Variants in STK10 observed in about 807,000 individuals in gnomAD.
STK10 encodes serine/threonine-protein kinase 10.
Under a neutral mutation model 113.8 loss-of-function variants are expected in STK10, and 78 were observed. The observed-to-expected ratio is 0.69, with a 90% CI of 0.57 to 0.83. The LOEUF (loss-of-function observed/expected upper bound fraction) is 0.83. Ranked by LOEUF, STK10 falls within the 40% of genes least tolerant of loss-of-function variation. STK10 has a pLI of 0.00. For missense variants in STK10, 1,109 were observed against 1,280.1 expected (o/e 0.87, Z 2.04); for synonymous variants, 465 against 494.7 (o/e 0.94, Z 0.80).
intron 2 of STK10, among the ~76,000 whole-genome samples, chr5:172,143,316 G>C (rs1193928247): frequency 6.6e-6 from 1 of 152,190 alleles, no homozygotes; most frequent in Non-Finnish European, 1.5e-5. Context: ...AGTGAGCCGA[G>C]ATCGTGCCAC....
intron 2 of STK10, among the ~76,000 whole-genome samples, chr5:172,140,153 C>T (rs1014280874): frequency 2.0e-5 from 3 of 152,096 alleles, no homozygotes; most frequent in Admixed American, 2.0e-4. Context: ...TCTTCAAAGA[C>T]GACATACAAA....
At chr5:172,141,780 G>A (rs187940623) in intron 2 of STK10, among the ~76,000 whole-genome samples, 8 of 152,206 alleles carry the variant, frequency 5.3e-5, no homozygotes, top group African/African-American at 1.9e-4. Context: ...GTCTGATGGG[G>A]GATGTCACAG....
At chr5:172,079,573 A>T (rs867986500) in intron 12 of STK10, among the ~76,000 whole-genome samples, 11 of 107,746 alleles carry the variant, frequency 1.0e-4, no homozygotes, top group African/African-American at 5.0e-4. Context: ...TTATTTATTT[A>T]TTTTTGAGAT....
intron 13 of STK10, among the ~76,000 whole-genome samples, chr5:172,062,138 T>C (rs371131318): frequency 3.3e-5 from 5 of 151,912 alleles, no homozygotes; most frequent in African/African-American, 1.2e-4. Context: ...CCACCACACC[T>C]GGCTAACTTT....
intron 1 of STK10, among the ~76,000 whole-genome samples, chr5:172,169,050 C>A (rs1561833886): frequency 6.6e-6 from 1 of 152,168 alleles, no homozygotes; most frequent in East Asian, 1.9e-4. Context: ...TCCCAGCCCT[C>A]TTCATGCTCC....
At chr5:172,045,372 G>A (rs1767474678) in intron 18 of STK10, 2 of 500,486 alleles carry the variant, frequency 4.0e-6, no homozygotes, top group South Asian at 1.5e-5. Context: ...GAGAGAGACT[G>A]AGCAGCAAAG....
intron 12 of STK10, among the ~76,000 whole-genome samples, chr5:172,074,557 A>G (rs1768268274): frequency 6.6e-6 from 1 of 152,226 alleles, no homozygotes; most frequent in Non-Finnish European, 1.5e-5. Context: ...ATCTTATATA[A>G]CAATGAACTC....
intron 1 of STK10, among the ~76,000 whole-genome samples, chr5:172,162,810 A>C (rs1770497582): frequency 6.6e-6 from 1 of 152,188 alleles, no homozygotes; most frequent in Non-Finnish European, 1.5e-5. Flanking sequence ...GGGTTTCCTG[A>C]AAAGGGATGT....
Position 172,150,912 on chromosome 5 carries a change from G to A in STK10, c.321+5712C>T, listed in dbSNP as rs1392343251. Among the ~76,000 whole-genome samples, 4 of 152,196 alleles carry A rather than the reference G, an allele frequency of 2.6e-5. 1 individual carries two copies. The South Asian group carries it at 6.2e-4, about 24-fold the overall frequency. On this transcript the variant is annotated intron_variant, in intron 2 of 18. Transcript: ENST00000176763. ...TCCTCATCAGGAAGTCTTAGGGAGCGTTCTTGGGCTGGGCCACCCCAAAGG... is the reference window on the plus strand; with the variant it reads ...TCCTCATCAGGAAGTCTTAGGGAGCATTCTTGGGCTGGGCCACCCCAAAGG...
intron 3 of STK10, among the ~76,000 whole-genome samples, chr5:172,119,933 G>C (rs1431778695): frequency 2.0e-5 from 3 of 152,186 alleles, no homozygotes; most frequent in Non-Finnish European, 4.4e-5. Flanking sequence ...TTGCTGGGCA[G>C]CAGGGGCAGG....
intron 2 of STK10, among the ~76,000 whole-genome samples, chr5:172,137,495 T>C (rs926141378): frequency 6.6e-6 from 1 of 151,886 alleles, no homozygotes; most frequent in African/African-American, 2.4e-5. Context: ...AGAAAAAGCA[T>C]TTGGCACAGT....
rs760354877 is a variant in STK10, at chr5:172,125,336, C to CT, written c.370+2036dup. On this transcript the variant is annotated intron_variant, in intron 3 of 18. Transcript: ENST00000176763. ...TGGTGATATGCACTTATACATCTCC[C>CT]TTTTTGACCTACCTCTTTATGGGTA... Among the ~76,000 whole-genome samples the CT allele has an allele frequency of 2.6e-5, 4 of 152,194 alleles. No individual in the cohort carries two copies. In the East Asian group the frequency reaches 7.7e-4, roughly 29 times the overall value.
intron 15 of STK10, 168 bp downstream of exon 15, chr5:172,057,181 C>G (rs145605576): frequency 1.2e-6 from 1 of 863,498 alleles, no homozygotes; most frequent in African/African-American, 1.7e-5. Flanking sequence ...TGAAGCAGGA[C>G]GCCCCTGGAG....
chr5:172,143,792 T>C (rs1039372359), intron 2 of STK10, among the ~76,000 whole-genome samples: 18 of 152,222 alleles, frequency 1.2e-4, no homozygotes, highest in Non-Finnish European at 2.5e-4. Flanking sequence ...ATTCCCTTCA[T>C]ACGATCCAAT....
intron 4 of STK10, among the ~76,000 whole-genome samples, chr5:172,109,502 GTC>G (rs1035474138): frequency 6.6e-6 from 1 of 151,764 alleles, no homozygotes; most frequent in African/African-American, 2.4e-5. Flanking sequence ...TAGAGATGGA[GTC>G]TCTATGTTGC....
At chr5:172,095,580 A>G (rs1301406087) in intron 8 of STK10, among the ~76,000 whole-genome samples, 1 of 152,252 alleles carries the variant, frequency 6.6e-6, no homozygotes, top group Non-Finnish European at 1.5e-5. Flanking sequence ...CAGGGGCTCC[A>G]TGCATGGCGG....
At chr5:172,132,035 A>G (rs887673924) in intron 2 of STK10, among the ~76,000 whole-genome samples, 2 of 152,220 alleles carry the variant, frequency 1.3e-5, no homozygotes, top group African/African-American at 4.8e-5. Context: ...CAGGGCCCTC[A>G]ACCTTGGACT....
At chr5:172,083,524 T>C (rs371378074) in intron 10 of STK10, among the ~76,000 whole-genome samples, 1 of 152,142 alleles carries the variant, frequency 6.6e-6, no homozygotes, top group Non-Finnish European at 1.5e-5. Context: ...GGAGGACAAT[T>C]TGGTAATAAG....
intron 1 of STK10, among the ~76,000 whole-genome samples, chr5:172,182,488 A>G (rs907546814): frequency 2.0e-5 from 3 of 149,376 alleles, no homozygotes; most frequent in African/African-American, 5.0e-5. Context: ...GGCTCAAGCT[A>G]TCCTCCCACC....
Sources: gnomAD v4.1 joint callset for allele counts (sites outside exome capture counted in the v4.1 genomes callset) on GRCh38, gnomAD v4.1.1 for gene constraint, MANE v1.5 for transcripts, NCBI Gene and HGNC (gene_info 2026-07-23, HGNC 2026-07-21) for gene names.